The following TMEM230 variants were observed in gnomAD, a reference collection of about 807,000 sequenced individuals.
The protein encoded by TMEM230 is transmembrane protein 230.
TMEM230 carries 10 observed loss-of-function variants against 15.8 expected under a neutral mutation model. The observed-to-expected ratio is 0.63, with a 90% CI of 0.39 to 1.07. The LOEUF (loss-of-function observed/expected upper bound fraction) is 1.07. Ranked by LOEUF, TMEM230 falls within the 50% of genes least tolerant of loss-of-function variation. TMEM230 has a pLI of 0.01. For missense variants in TMEM230, 165 were observed against 193.3 expected, an observed-to-expected ratio of 0.85 and a Z score of 0.87; for synonymous variants, 67 against 76.9, an observed-to-expected ratio of 0.87 and a Z score of 0.68.
intron 3 of TMEM230, among the ~76,000 whole-genome samples, chr20:5,088,003 T>TAA (rs144929003): frequency 0.47 from 53,542 of 112,810 alleles, 13,159 homozygotes; most frequent in East Asian, 0.82. Flanking sequence ...AGGATATACC[T>TAA]AAAAAAAAAA....
downstream of TMEM230, among the ~76,000 whole-genome samples, chr20:5,099,501 C>T (rs2089773402): frequency 6.6e-6 from 1 of 151,872 alleles, no homozygotes; most frequent in Non-Finnish European, 1.5e-5. Context: ...ACTATACTCA[C>T]TCTACTGGTG....
intron 1 of TMEM230, 116 bp downstream of exon 1, chr20:5,112,845 G>T: frequency 6.5e-7 from 1 of 1,542,118 alleles, no homozygotes; most frequent in South Asian, 1.2e-5. Context: ...TGCCAGGGGG[G>T]ACGAATGCCC....
At chr20:5,074,276 G>C (rs542278296) in intron 3 of TMEM230, among the ~76,000 whole-genome samples, 1 of 151,936 alleles carries the variant, frequency 6.6e-6, no homozygotes, top group Non-Finnish European at 1.5e-5. Context: ...CATTTGTAAG[G>C]GTGTCTTTCT....
At chr20:5,095,240 T>C (rs1335143219), downstream of TMEM230, among the ~76,000 whole-genome samples, 1 of 152,206 alleles carries the variant, frequency 6.6e-6, no homozygotes, top group Non-Finnish European at 1.5e-5. Flanking sequence ...GACCCACGGA[T>C]GGAGGCAAGC....
downstream of TMEM230, among the ~76,000 whole-genome samples, chr20:5,063,869 C>A (rs1173967885): frequency 6.6e-6 from 1 of 151,980 alleles, no homozygotes; most frequent in Non-Finnish European, 1.5e-5. Flanking sequence ...CAAATTACAA[C>A]CTAGAAATAA....
chr20:5,067,720 C>T (rs991613387), downstream of TMEM230, among the ~76,000 whole-genome samples: 15 of 148,916 alleles, frequency 1.0e-4, no homozygotes, highest in East Asian at 1.2e-3. Context: ...GGGATTAAGG[C>T]ATGAGCCACC....
intron 3 of TMEM230, among the ~76,000 whole-genome samples, chr20:5,078,172 G>A (rs1474216217): frequency 2.0e-5 from 3 of 152,134 alleles, no homozygotes; most frequent in African/African-American, 7.2e-5. Context: ...TGTGTGACCT[G>A]TGTAGACGCC....
rs745778360 is a variant in TMEM230, at chr20:5,100,862, G to A, written c.481C>T (p.Arg161Cys). ...CCTTTGGATGCATAGTAAGCGATGC[G>A]CAGGTGGTAAAATCCGGGTAGGAAC... The change falls in exon 5 of 5, where the codon CGC becomes TGC. Residue 161 changes from arginine to cysteine, a missense_variant. By Grantham distance (180) the Arg-to-Cys change is radical. Coordinates refer to ENST00000342308, the MANE Select transcript of TMEM230 (RefSeq NM_001009923.2). The A allele has an allele frequency of 3.1e-6, 5 of 1,614,048 alleles. No homozygotes were observed. The highest frequency in any genetic ancestry group is 4.2e-6 in the Non-Finnish European group (5 of 1,180,034).
intron 3 of TMEM230, among the ~76,000 whole-genome samples, chr20:5,090,211 T>C (rs940841850): frequency 6.6e-6 from 1 of 152,076 alleles, no homozygotes; most frequent in African/African-American, 2.4e-5. Context: ...ATAAATTAAT[T>C]TCAGAAAATT....
Position 5,106,169 on chromosome 20 carries a change from C to G in TMEM230, c.411+19G>C. ...TTTTAAAAATCTCACAACTTATTCC[C>G]ACATGCCCGTCAGCTTACCCCTTTG... On this transcript the variant is annotated intron_variant, in intron 4 of 4. Transcript: ENST00000342308. The G allele has an allele frequency of 6.2e-7, 1 of 1,602,882 alleles. No homozygotes were observed. The highest frequency in any genetic ancestry group is 1.1e-5 in the South Asian group (1 of 89,602).
At position 5,104,077 on chromosome 20, in the gene TMEM230, A is replaced by G. The variant is rs35691094; in HGVS notation, c.411+2111T>C. On this transcript the variant is annotated intron_variant, in intron 4 of 4. Coordinates refer to ENST00000342308, the MANE Select transcript of TMEM230 (RefSeq NM_001009923.2). ...ATAAGGAGCTCAAACTCTGTAGGAA[A>G]AAAAATCTAATAATCCAATCAAAAA... Among the ~76,000 whole-genome samples the G allele has an allele frequency of 4.8e-3, 732 of 152,346 alleles. 5 individuals are homozygous for G. The highest frequency in any genetic ancestry group is 7.5e-3 in the Non-Finnish European group (509 of 68,036).
intron 3 of TMEM230, among the ~76,000 whole-genome samples, chr20:5,087,628 G>C (rs1164228234): frequency 1.3e-5 from 2 of 150,856 alleles, no homozygotes; most frequent in Admixed American, 1.3e-4. Flanking sequence ...CCCTAGCTGG[G>C]GGTCCAGCCC....
chr20:5,059,606 T>C, the TMEM230 span, among the ~76,000 whole-genome samples: 3 of 151,642 alleles, frequency 2.0e-5, no homozygotes, highest in Non-Finnish European at 4.4e-5. Context: ...ATTTTATCCT[T>C]GCCTTTATTT....
chr20:5,110,611 T>G (rs891566109), intron 2 of TMEM230, among the ~76,000 whole-genome samples: 1 of 152,202 alleles, frequency 6.6e-6, no homozygotes, highest in African/African-American at 2.4e-5. Flanking sequence ...CTGGCTATAC[T>G]AGTGCCTCCA....
At chr20:5,092,248 G>A (rs2089529887) in intron 3 of TMEM230, among the ~76,000 whole-genome samples, 1 of 152,122 alleles carries the variant, frequency 6.6e-6, no homozygotes, top group Non-Finnish European at 1.5e-5. Flanking sequence ...AAATATAGTG[G>A]AAGATCATCT....
chr20:5,069,078 G>C, exon 4 of TMEM230: 1 of 940,446 alleles, frequency 1.1e-6, no homozygotes, highest in Non-Finnish European at 1.6e-6. Flanking sequence ...AGTAGGAGAA[G>C]CTCTCTGCTG....
At chr20:5,089,403 A>C (rs1015262259) in intron 3 of TMEM230, among the ~76,000 whole-genome samples, 4 of 150,636 alleles carry the variant, frequency 2.7e-5, no homozygotes, top group Non-Finnish European at 5.9e-5. Flanking sequence ...AAAAAATAGT[A>C]ACAGAAGAGT....
intron 3 of TMEM230, among the ~76,000 whole-genome samples, chr20:5,073,544 G>A (rs115441530): frequency 0.014 from 2,121 of 152,316 alleles, 53 homozygotes; most frequent in African/African-American, 0.049. Flanking sequence ...CTGTACAGGC[G>A]AGGCTGCCTG....
At chr20:5,078,027 T>C (rs924702231) in intron 3 of TMEM230, among the ~76,000 whole-genome samples, 1 of 150,344 alleles carries the variant, frequency 6.7e-6, no homozygotes, top group Non-Finnish European at 1.5e-5. Context: ...ACTTCATGAA[T>C]GACACACAGA....
Sources: allele counts gnomAD v4.1 joint callset (sites outside exome capture counted in the v4.1 genomes callset), GRCh38; gene constraint gnomAD v4.1.1; transcripts MANE v1.5; gene names NCBI Gene and HGNC (gene_info 2026-07-23, HGNC 2026-07-21).